LRRIQ3: variants seen among roughly 807,000 people sequenced by gnomAD.
LRRIQ3 encodes the protein leucine-rich repeat and IQ domain-containing protein 3.
In LRRIQ3, 75 loss-of-function variants were observed where a neutral mutation model predicts 59.3. The observed-to-expected ratio is 1.26, with a 90% confidence interval of 1.05 to 1.53. The LOEUF is 1.53. LRRIQ3 is among the 40% of genes most tolerant of loss of function. The pLI is 0.00. For synonymous variants in LRRIQ3, 250 were observed against 231.3 expected, an observed-to-expected ratio of 1.08 and a Z score of -0.73; for missense variants, 831 against 710.0, an observed-to-expected ratio of 1.17 and a Z score of -1.94.
At chr1:74,034,924 G>T (rs1027779002) in intron 7 of LRRIQ3, among the ~76,000 whole-genome samples, 1 of 151,918 alleles carries the variant, frequency 6.6e-6, no homozygotes, top group Non-Finnish European at 1.5e-5. Flanking sequence ...AAATATGTAT[G>T]TACATAATTT....
chr1:74,049,528 TTAGA>T (rs1303638730), intron 6 of LRRIQ3, among the ~76,000 whole-genome samples: 2 of 152,120 alleles, frequency 1.3e-5, no homozygotes, highest in Non-Finnish European at 2.9e-5. Context: ...TGCTGATAAC[TTAGA>T]TAGCAGAAGT....
In LRRIQ3 at chr1:74,083,152, G is replaced by C. The variant is rs542414293; in HGVS notation, c.868-8362C>G. On this transcript the variant is annotated intron_variant, in intron 5 of 7. Coordinates refer to ENST00000354431, the MANE Select transcript of LRRIQ3 (RefSeq NM_001105659.2). Reference sequence around the variant, plus strand: ...TGTATGTACATATATATCTCCTGAGGCTCAGTCTCAGTAAACTGCTATCAC... The same window carrying C: ...TGTATGTACATATATATCTCCTGAGCCTCAGTCTCAGTAAACTGCTATCAC... The C allele has an allele frequency of 2.6e-5, 4 of 151,646 alleles. No individual in the cohort carries two copies. In the East Asian group the frequency reaches 7.7e-4, roughly 29 times the overall value. 9.4% of individuals were successfully genotyped at this position (151,646 alleles called of 1,614,324 possible).
At chr1:74,079,474 C>T (rs955785409) in intron 5 of LRRIQ3, among the ~76,000 whole-genome samples, 23 of 151,768 alleles carry the variant, frequency 1.5e-4, no homozygotes, top group African/African-American at 5.6e-4. Flanking sequence ...TCAGAAAAAC[C>T]ATCCATAACA....
chr1:74,186,392 T>C (rs1424532919), intron 1 of LRRIQ3, among the ~76,000 whole-genome samples: 1 of 152,178 alleles, frequency 6.6e-6, no homozygotes, highest in Non-Finnish European at 1.5e-5. Context: ...TGATCTCAGA[T>C]ATATTAGAGA....
At chr1:74,039,645 G>A (rs1653982280) in intron 7 of LRRIQ3, among the ~76,000 whole-genome samples, 1 of 152,090 alleles carries the variant, frequency 6.6e-6, no homozygotes, top group Non-Finnish European at 1.5e-5. Context: ...CATTCTTAAA[G>A]AAAAGAATTT....
intron 5 of LRRIQ3, among the ~76,000 whole-genome samples, chr1:74,099,586 T>C (rs949231910): frequency 6.6e-6 from 1 of 152,070 alleles, no homozygotes; most frequent in Non-Finnish European, 1.5e-5. Flanking sequence ...TACCAAAGCC[T>C]AGCAGAGACA....
At chr1:74,066,325 A>G (rs909307992) in intron 6 of LRRIQ3, among the ~76,000 whole-genome samples, 10 of 152,232 alleles carry the variant, frequency 6.6e-5, no homozygotes, top group African/African-American at 2.2e-4. Flanking sequence ...TAATTATTTG[A>G]ACACCAATAA....
At chr1:74,066,265 CT>C (rs1654863862) in intron 6 of LRRIQ3, among the ~76,000 whole-genome samples, 3 of 151,300 alleles carry the variant, frequency 2.0e-5, no homozygotes, top group Non-Finnish European at 4.4e-5. Flanking sequence ...AAGAAAATCT[CT>C]TAAATTCAAA....
At chr1:74,188,194 C>T (rs1570282799) in intron 1 of LRRIQ3, among the ~76,000 whole-genome samples, 1 of 152,010 alleles carries the variant, frequency 6.6e-6, no homozygotes, top group African/African-American at 2.4e-5. Context: ...GCATTTTCTC[C>T]CTTATATGTG....
chr1:74,083,701 C>T (rs1435352668), intron 5 of LRRIQ3: 4 of 151,998 alleles, frequency 2.6e-5, no homozygotes, highest in African/African-American at 9.6e-5. Context: ...TCATAAAACA[C>T]AAATCTTTGT....
At chr1:74,124,742 T>C (rs918855857) in intron 4 of LRRIQ3, among the ~76,000 whole-genome samples, 9 of 151,998 alleles carry the variant, frequency 5.9e-5, no homozygotes, top group African/African-American at 2.2e-4. Flanking sequence ...AACAGTCCTA[T>C]GTTGTTTTGG....
At chr1:74,084,305 C>A in intron 5 of LRRIQ3, 1 of 1,338,084 alleles carries the variant, frequency 7.5e-7, no homozygotes, top group Non-Finnish European at 1.0e-6. Context: ...AATCAGCAAA[C>A]ATTACATTTT....
intron 4 of LRRIQ3, chr1:74,138,297 G>A (rs1040686607): frequency 1.9e-5 from 3 of 160,934 alleles, no homozygotes; most frequent in African/African-American, 7.2e-5. Flanking sequence ...TTTTAAAGAC[G>A]ATCATGTTTA....
chr1:74,072,092 A>G (rs1655043708), intron 6 of LRRIQ3, among the ~76,000 whole-genome samples: 1 of 152,170 alleles, frequency 6.6e-6, no homozygotes, highest in African/African-American at 2.4e-5. Flanking sequence ...TAGTTTGATT[A>G]TCACCATTAT....
chr1:74,124,289 C>T (rs113019993), intron 4 of LRRIQ3, among the ~76,000 whole-genome samples: 132 of 151,938 alleles, frequency 8.7e-4, no homozygotes, highest in African/African-American at 2.9e-3. Flanking sequence ...GGATATTTTG[C>T]AAATATATTA....
chr1:74,103,843 T>A (rs1483079029), intron 5 of LRRIQ3, among the ~76,000 whole-genome samples: 2 of 148,306 alleles, frequency 1.3e-5, no homozygotes, highest in African/African-American at 5.0e-5. Flanking sequence ...CTAAAAGCAA[T>A]CAAATAAGAC....
chr1:74,104,456 G>A (rs1331082019), intron 5 of LRRIQ3, among the ~76,000 whole-genome samples: 2 of 151,974 alleles, frequency 1.3e-5, no homozygotes, highest in Admixed American at 1.3e-4. Flanking sequence ...ACAGGTGAAC[G>A]CATGATCTTT....
intron 6 of LRRIQ3, among the ~76,000 whole-genome samples, chr1:74,046,604 T>C (rs929060194): frequency 6.6e-6 from 1 of 152,158 alleles, no homozygotes; most frequent in Non-Finnish European, 1.5e-5. Context: ...AAATGGGATC[T>C]GATTAAACTA....
chr1:74,170,316 C>CT (rs1426258020), intron 3 of LRRIQ3, among the ~76,000 whole-genome samples: 5 of 152,036 alleles, frequency 3.3e-5, no homozygotes, highest in Admixed American at 1.3e-4. Context: ...CAGATCTTAC[C>CT]TTTAAGATTT....
Sources: gnomAD v4.1 joint callset for allele counts (sites outside exome capture counted in the v4.1 genomes callset) on GRCh38, gnomAD v4.1.1 for gene constraint, MANE v1.5 for transcripts, NCBI Gene and HGNC (gene_info 2026-07-23, HGNC 2026-07-21) for gene names.